The following METTL15 variants were observed in gnomAD, a reference collection of about 807,000 sequenced individuals.
METTL15 encodes the protein 12S rRNA N(4)-cytidine methyltransferase METTL15.
A neutral mutation model predicts 38.3 loss-of-function variants in METTL15; 34 were observed. That is an observed-to-expected ratio of 0.89 (90% CI 0.68 to 1.18). METTL15 has a LOEUF of 1.18. Ranked by LOEUF, METTL15 falls within the 50% of genes most tolerant of loss-of-function variation. The pLI is 0.00. For missense variants in METTL15, 438 were observed against 498.4 expected (o/e 0.88, Z 1.15); for synonymous variants, 162 against 170.9 (o/e 0.95, Z 0.41).
chr11:28,324,398 C>T (rs1849566187), intron 6 of METTL15, among the ~76,000 whole-genome samples: 1 of 152,114 alleles, frequency 6.6e-6, no homozygotes, highest in Non-Finnish European at 1.5e-5. Context: ...CACATTTCCC[C>T]TATGTCAGGT....
chr11:28,223,527 T>A (rs138226299), intron 4 of METTL15, among the ~76,000 whole-genome samples: 106 of 152,252 alleles, frequency 7.0e-4, no homozygotes, highest in African/African-American at 2.4e-3. Context: ...AATGAAACAG[T>A]TTGTCATTTT....
intron 3 of METTL15, among the ~76,000 whole-genome samples, chr11:28,165,348 A>G (rs1293007941): frequency 1.3e-5 from 2 of 151,930 alleles, no homozygotes; most frequent in African/African-American, 4.8e-5. Flanking sequence ...CACTTGTGTT[A>G]TTTTTCATCT....
intron 4 of METTL15, among the ~76,000 whole-genome samples, chr11:28,286,587 A>T (rs181439076): frequency 1.4e-4 from 22 of 152,238 alleles, no homozygotes; most frequent in African/African-American, 4.8e-4. Context: ...GACAAAAGTT[A>T]TAGAAATAGT....
chr11:28,342,297 T>C (rs1264244225), intron 3 of METTL15, among the ~76,000 whole-genome samples: 2 of 152,166 alleles, frequency 1.3e-5, no homozygotes, highest in Non-Finnish European at 2.9e-5. Context: ...AGGGTCTTGC[T>C]CTATTACCCA....
At chr11:28,205,824 T>C (rs1244911388) in intron 3 of METTL15, among the ~76,000 whole-genome samples, 6 of 149,312 alleles carry the variant, frequency 4.0e-5, no homozygotes, top group African/African-American at 1.5e-4. Context: ...TGGTATCTCA[T>C]TGTGGTTTTG....
At chr11:28,158,334 T>C (rs931016489) in intron 3 of METTL15, among the ~76,000 whole-genome samples, 21 of 152,304 alleles carry the variant, frequency 1.4e-4, no homozygotes, top group African/African-American at 4.8e-4. Flanking sequence ...CATCATGCAA[T>C]GCGCCTGTGA....
At chr11:28,265,991 G>A (rs536957646) in intron 4 of METTL15, among the ~76,000 whole-genome samples, 1 of 152,254 alleles carries the variant, frequency 6.6e-6, no homozygotes, top group African/African-American at 2.4e-5. Context: ...CACAGTGTGT[G>A]ATGTTCCCCT....
chr11:28,284,175 AAC>A (rs368066545), intron 4 of METTL15, among the ~76,000 whole-genome samples: 163 of 152,306 alleles, frequency 1.1e-3, no homozygotes, highest in African/African-American at 2.1e-3. Context: ...CTCTGTCTTA[AAC>A]ACATTTATTT....
intron 4 of METTL15, among the ~76,000 whole-genome samples, chr11:28,236,834 A>G (rs1280068780): frequency 6.6e-6 from 1 of 152,096 alleles, no homozygotes; most frequent in African/African-American, 2.4e-5. Flanking sequence ...TTGTCTGTAT[A>G]GTATTTTATT....
chr11:28,492,555 C>A (rs190286763), intron 6 of METTL15, among the ~76,000 whole-genome samples: 1 of 152,090 alleles, frequency 6.6e-6, no homozygotes, highest in African/African-American at 2.4e-5. Flanking sequence ...CATACACACA[C>A]ACAACATTGA....
At chr11:28,302,711 C>T (rs1317827599) in intron 6 of METTL15, among the ~76,000 whole-genome samples, 1 of 152,040 alleles carries the variant, frequency 6.6e-6, no homozygotes, top group African/African-American at 2.4e-5. Flanking sequence ...TGAAAATGAC[C>T]AATACGTCCC....
chr11:28,326,755 TTTTTTG>T (rs1230803473), intron 6 of METTL15, among the ~76,000 whole-genome samples: 6 of 151,792 alleles, frequency 4.0e-5, no homozygotes, highest in Non-Finnish European at 7.4e-5. Flanking sequence ...ATTGTAGGAT[TTTTTTG>T]TTTTTGTTTT....
At chr11:28,325,990 G>C (rs1485035137) in intron 6 of METTL15, among the ~76,000 whole-genome samples, 3 of 152,136 alleles carry the variant, frequency 2.0e-5, no homozygotes, top group Non-Finnish European at 4.4e-5. Context: ...CACACAAAAA[G>C]GAGATTTTCT....
chr11:28,499,108 C>T (rs1393253162), intron 6 of METTL15, among the ~76,000 whole-genome samples: 1 of 152,100 alleles, frequency 6.6e-6, no homozygotes, highest in Non-Finnish European at 1.5e-5. Flanking sequence ...CGTTGTCTAC[C>T]TCTGGCTTTC....
intron 3 of METTL15, among the ~76,000 whole-genome samples, chr11:28,142,114 AAAC>A (rs1258683711): frequency 6.6e-6 from 1 of 152,238 alleles, no homozygotes; most frequent in East Asian, 1.9e-4. Flanking sequence ...AAATGTCAAA[AAAC>A]AAAATGAAAA....
At chr11:28,230,552 A>G (rs1853645313) in intron 4 of METTL15, among the ~76,000 whole-genome samples, 1 of 151,970 alleles carries the variant, frequency 6.6e-6, no homozygotes, top group Non-Finnish European at 1.5e-5. Flanking sequence ...AATAATACAT[A>G]TTTAGAGACA....
chr11:28,115,923 CACACAT>C (rs1387462241), intron 3 of METTL15, among the ~76,000 whole-genome samples: 6 of 116,888 alleles, frequency 5.1e-5, no homozygotes, highest in Admixed American at 4.2e-4. Context: ...CACAGACACA[CACACAT>C]ACACATACAC....
At chr11:28,446,609 A>C (rs917392435) in intron 6 of METTL15, among the ~76,000 whole-genome samples, 5 of 152,170 alleles carry the variant, frequency 3.3e-5, no homozygotes, top group African/African-American at 1.2e-4. Flanking sequence ...ATATATTATC[A>C]TATCAATAAC....
intron 6 of METTL15, among the ~76,000 whole-genome samples, chr11:28,488,103 C>T (rs1414969861): frequency 6.6e-6 from 1 of 152,092 alleles, no homozygotes; most frequent in Non-Finnish European, 1.5e-5. Flanking sequence ...CAGTTTCCAA[C>T]TCAGCAATGA....
Sources: gnomAD v4.1 joint callset for allele counts (sites outside exome capture counted in the v4.1 genomes callset) on GRCh38, gnomAD v4.1.1 for gene constraint, MANE v1.5 for transcripts, NCBI Gene and HGNC (gene_info 2026-07-23, HGNC 2026-07-21) for gene names.